Variants in TANK observed in about 807,000 individuals in gnomAD.
TANK encodes the protein TRAF family member associated NFKB activator.
Under a neutral mutation model 43.6 loss-of-function variants are expected in TANK, and 15 were observed. That is an observed-to-expected ratio of 0.34 (90% CI 0.23 to 0.53). The LOEUF (loss-of-function observed/expected upper bound fraction) is 0.53. Ranked by LOEUF, TANK falls within the 20% of genes least tolerant of loss-of-function variation. The pLI, the probability that TANK is intolerant of heterozygous loss-of-function variation, is 0.94. For missense variants in TANK, 417 were observed against 498.6 expected, an observed-to-expected ratio of 0.84 and a Z score of 1.56; for synonymous variants, 162 against 178.2, an observed-to-expected ratio of 0.91 and a Z score of 0.73.
intron 1 of TANK, among the ~76,000 whole-genome samples, chr2:161,172,268 A>G (rs1008770858): frequency 6.6e-6 from 1 of 152,022 alleles, no homozygotes; most frequent in Non-Finnish European, 1.5e-5. Flanking sequence ...GGTAGGAAAA[A>G]CATGTACATC....
intron 2 of TANK, among the ~76,000 whole-genome samples, chr2:161,192,464 T>C (rs1921309): frequency 6.6e-6 from 1 of 152,000 alleles, no homozygotes; most frequent in African/African-American, 2.4e-5. Flanking sequence ...AATTGTGTTT[T>C]TCTCTTTTAG....
At chr2:161,158,879 G>T (rs547820090), upstream of TANK, among the ~76,000 whole-genome samples, 1 of 152,260 alleles carries the variant, frequency 6.6e-6, no homozygotes, top group South Asian at 2.1e-4. Context: ...ATTAAAAAAT[G>T]GGCCAAAGGC....
intron 1 of TANK, among the ~76,000 whole-genome samples, chr2:161,176,100 A>T (rs989659862): frequency 9.2e-5 from 14 of 152,198 alleles, no homozygotes; most frequent in African/African-American, 3.4e-4. Flanking sequence ...TTTAGGTTTG[A>T]GCATGTTTAC....
rs560400322 is a variant in TANK, at chr2:161,148,360, C to A, written c.-50+11297C>A. 3.3e-5 allele frequency among the ~76,000 whole-genome samples: 5 copies of A among 152,152 alleles called. No homozygotes were observed. In the South Asian group the frequency reaches 1.0e-3, roughly 32 times the overall value. ...AATGTCTATTCAAGTCAGTTACCCA[C>A]GTTTTAATTGGATTGTTTGTCTTTT... is the stretch of plus-strand genomic sequence containing the variant. On this transcript the variant is annotated intron_variant, in intron 1 of 7. Coordinates refer to the TANK transcript ENST00000259075.
chr2:161,156,347 A>T, upstream of TANK: 1 of 985,390 alleles, frequency 1.0e-6, no homozygotes, highest in East Asian at 1.1e-4. Context: ...GTCCTTACAG[A>T]CTTAACTTAT....
chr2:161,226,248 A>G (rs1687609677), intron 6 of TANK, among the ~76,000 whole-genome samples: 1 of 152,170 alleles, frequency 6.6e-6, no homozygotes, highest in South Asian at 2.1e-4. Flanking sequence ...TGTCAGCTAG[A>G]ACACTGAGTA....
chr2:161,167,978 T>C (rs1232142125), intron 1 of TANK, among the ~76,000 whole-genome samples: 1 of 152,096 alleles, frequency 6.6e-6, no homozygotes, highest in African/African-American at 2.4e-5. Context: ...TACTAAGTTA[T>C]TTGATAGGAA....
intron 1 of TANK, chr2:161,179,367 C>T: frequency 2.6e-6 from 1 of 384,110 alleles, no homozygotes; most frequent in Non-Finnish European, 4.6e-6. Flanking sequence ...GATTAGTATT[C>T]TCAAAGTAGC....
At chr2:161,224,543 C>A (rs1035254590) in intron 5 of TANK, 88 bp from the exon 6 acceptor site, 7 of 489,444 alleles carry the variant, frequency 1.4e-5, no homozygotes, top group Non-Finnish European at 2.2e-5. Flanking sequence ...TATTTTGTGG[C>A]ACATAAAATG....
chr2:161,228,305 G>A (rs1267949463), intron 6 of TANK, among the ~76,000 whole-genome samples: 1 of 152,214 alleles, frequency 6.6e-6, no homozygotes, highest in East Asian at 1.9e-4. Flanking sequence ...GCTGAGCTGG[G>A]CAGATCACCT....
chr2:161,193,410 CATAAATATAAA>C (rs1359513502), intron 2 of TANK, among the ~76,000 whole-genome samples: 1 of 152,134 alleles, frequency 6.6e-6, no homozygotes, highest in Non-Finnish European at 1.5e-5. Flanking sequence ...AAATACAGTG[CATAAATATAAA>C]AGTTGACTTT....
intron 1 of TANK, among the ~76,000 whole-genome samples, chr2:161,163,864 T>C (rs542816699): frequency 6.6e-6 from 1 of 152,366 alleles, no homozygotes; most frequent in African/African-American, 2.4e-5. Context: ...TTTACTTGAC[T>C]AATGGTTTAC....
intron 2 of TANK, among the ~76,000 whole-genome samples, chr2:161,185,058 G>A (rs1029207190): frequency 1.3e-5 from 2 of 152,034 alleles, no homozygotes; most frequent in Non-Finnish European, 2.9e-5. Context: ...CAGAACATAG[G>A]TTAAGCAATT....
intron 4 of TANK, 48 bp downstream of exon 4, chr2:161,204,841 C>G: frequency 1.3e-6 from 2 of 1,585,140 alleles, no homozygotes; most frequent in Non-Finnish European, 1.7e-6. Context: ...TGATGCGTGA[C>G]ATAGCTTCCT....
At chr2:161,216,715 A>G (rs1479154186) in intron 4 of TANK, among the ~76,000 whole-genome samples, 1 of 152,160 alleles carries the variant, frequency 6.6e-6, no homozygotes, top group Non-Finnish European at 1.5e-5. Flanking sequence ...AGAAAAGAAG[A>G]CAAGTTCTTA....
intron 1 of TANK, among the ~76,000 whole-genome samples, chr2:161,148,498 C>T (rs143269273): frequency 6.6e-6 from 1 of 152,108 alleles, no homozygotes; most frequent in Non-Finnish European, 1.5e-5. Flanking sequence ...GTCTTGACAT[C>T]TTTCAATGTT....
At chr2:161,222,075 A>G (rs920111661) in intron 4 of TANK, among the ~76,000 whole-genome samples, 3 of 152,008 alleles carry the variant, frequency 2.0e-5, no homozygotes, top group Non-Finnish European at 4.4e-5. Context: ...TTTTTTTCCT[A>G]TCTTTTCCTT....
chr2:161,219,202 C>T (rs765363464), intron 4 of TANK, among the ~76,000 whole-genome samples: 11 of 152,166 alleles, frequency 7.2e-5, no homozygotes, highest in Non-Finnish European at 1.3e-4. Flanking sequence ...TGTGGCAGTA[C>T]TGGCAAAGGA....
chr2:161,193,372 T>C (rs1686005623), intron 2 of TANK, among the ~76,000 whole-genome samples: 1 of 152,162 alleles, frequency 6.6e-6, no homozygotes, highest in Admixed American at 6.5e-5. Flanking sequence ...GGTTATTATA[T>C]AGGATACGCT....
Sources: gnomAD v4.1 joint callset for allele counts (sites outside exome capture counted in the v4.1 genomes callset) on GRCh38, gnomAD v4.1.1 for gene constraint, MANE v1.5 for transcripts, NCBI Gene and HGNC (gene_info 2026-07-23, HGNC 2026-07-21) for gene names.